The following TNC variants were observed in gnomAD, a reference collection of about 807,000 sequenced individuals.
The protein encoded by TNC is tenascin.
TNC carries 109 observed loss-of-function variants against 202.4 expected under a neutral mutation model. That is an observed-to-expected ratio of 0.54 (90% CI 0.46 to 0.63). TNC has a LOEUF of 0.63. Among genes scored for constraint, TNC ranks in the 30% least tolerant of loss-of-function variants. TNC has a pLI of 0.00. For missense variants in TNC, 2,756 were observed against 2,833.3 expected (o/e 0.97, Z 0.62); for synonymous variants, 1,007 against 1,089.7 (o/e 0.92, Z 1.50).
In TNC at chr9:115,086,603, C is replaced by G; in HGVS notation, c.1128G>C (p.Arg376Ser). ...CACGATTGTGACAGTCAGCAGGACA[C>G]CTCTTCTCGCTGCAGTCCACACCGG... ...GFAGVDCSEK[R>S]CPADCHNRGR... Residue 376 changes from arginine to serine, a missense_variant, in exon 3 of 28, where the codon AGG becomes AGC. Around this residue, in one of 2 missense-constraint regions of TNC, gnomAD observed 2,559 missense variants for 2,546.0 expected, o/e 1.01. Transcript: ENST00000350763. 2 of 1,614,158 alleles carry G rather than the reference C, an allele frequency of 1.2e-6. 1 individual carries two copies. The highest frequency in any genetic ancestry group is 2.2e-5 in the South Asian group (2 of 91,086).
chr9:115,036,107 A>G lies in TNC; in HGVS notation c.5647T>C (p.Phe1883Leu), dbSNP rs1830305157. The G allele has an allele frequency of 6.2e-7, 1 of 1,614,090 alleles. No homozygotes were observed. The highest frequency in any genetic ancestry group is 8.5e-7 in the Non-Finnish European group (1 of 1,179,986). ...CTCAGTGTCTTTGTACCTGTTGTGA[A>G]CTTGGCAGTGATGGTTGAGCTCTTC... is the stretch of plus-strand genomic sequence containing the variant. ...PQKSSTITAK[F>L]TTDLDSPRDL... is the part of the protein sequence containing the mutation. Residue 1883 changes from phenylalanine (F) to leucine (L), a missense_variant, in exon 21 of 28, where the codon TTC becomes CTC. Phe to Leu is a conservative substitution (Grantham distance 22, BLOSUM62 0). This residue lies in a region of TNC where 2,559 missense variants were observed against 2,546.0 expected (regional missense o/e 1.01). Coordinates refer to ENST00000350763, the MANE Select transcript of TNC (RefSeq NM_002160.4).
intron 9 of TNC, among the ~76,000 whole-genome samples, chr9:115,075,160 G>A (rs573305087): frequency 6.6e-6 from 1 of 152,050 alleles, no homozygotes; most frequent in African/African-American, 2.4e-5. Context: ...GGGAGAGGCA[G>A]AGGAGGAGTT....
In TNC at chr9:115,105,904, G is replaced by C. The variant is rs751633881; in HGVS notation, c.-137+12078C>G. ...CATGCTCGTTGGAAATCTCGAAGAAGGGGACAGTTTATAGAGTGTTTCCCA... is the reference window on the plus strand; with the variant it reads ...CATGCTCGTTGGAAATCTCGAAGAACGGGACAGTTTATAGAGTGTTTCCCA... On this transcript the variant is annotated intron_variant, in intron 1 of 27. Coordinates refer to ENST00000350763, the MANE Select transcript of TNC (RefSeq NM_002160.4). Among the ~76,000 whole-genome samples, 4 of 152,146 alleles carry C rather than the reference G, an allele frequency of 2.6e-5. No homozygotes were observed. The South Asian group carries it at 6.2e-4, about 24-fold the overall frequency.
In TNC at chr9:115,029,380, C is replaced by T. The variant is rs370664222; in HGVS notation, c.6149G>A (p.Arg2050His). Residue 2050 changes from arginine (R) to histidine (H), a missense_variant, in exon 25 of 28, where the codon CGC becomes CAC. Arg to His is a conservative substitution (Grantham distance 29). Transcript: ENST00000350763. The part of the protein sequence containing the change: ...WKAYAAGFGD[R>H]REEFWLGLDN... ...ATTACCAAGCCAGAATTCTTCTCTGCGGTCCCCAAATCCAGCAGCATATGC... is the reference window on the plus strand; with the variant it reads ...ATTACCAAGCCAGAATTCTTCTCTGTGGTCCCCAAATCCAGCAGCATATGC... The T allele has an allele frequency of 2.8e-5, 45 of 1,614,056 alleles. No individual in the cohort carries two copies. Among genetic ancestry groups the T allele is most frequent in the Middle Eastern group, 3.3e-4 (2 of 6,060 alleles).
chr9:115,106,907 T>C (rs764319921), intron 1 of TNC, among the ~76,000 whole-genome samples: 22 of 152,156 alleles, frequency 1.4e-4, no homozygotes, highest in Non-Finnish European at 2.5e-4. Context: ...ATCATTTAAT[T>C]CAGCATATGG....
At chr9:115,096,096 G>A (rs1835768668) in intron 1 of TNC, among the ~76,000 whole-genome samples, 1 of 152,086 alleles carries the variant, frequency 6.6e-6, no homozygotes, top group Non-Finnish European at 1.5e-5. Flanking sequence ...TTAATTTTTA[G>A]AGTCAAACAA....
At chr9:115,110,829 A>T (rs1237304064) in intron 1 of TNC, among the ~76,000 whole-genome samples, 1 of 152,194 alleles carries the variant, frequency 6.6e-6, no homozygotes, top group East Asian at 1.9e-4. Flanking sequence ...TCCACTATAT[A>T]CATGGGAGGA....
In TNC at chr9:115,086,328, A is replaced by G. The variant is rs1588162925; in HGVS notation, c.1403T>C (p.Met468Thr). The change falls in exon 3 of 28, where the codon ATG (methionine) becomes ACG (threonine). Residue 468 changes from methionine (M) to threonine (T), a missense_variant. By Grantham distance (81) the Met-to-Thr change is moderately conservative (BLOSUM62 -1). Transcript: ENST00000350763. The stretch of plus-strand genomic sequence containing the variant: ...CTGGTGACAGTCATTAGGGCAGCTC[A>G]TGTCACTGCAGTCATAGCCCTTGAA... ...QGFKGYDCSDMSCPNDCHQHG... is the reference protein window; with the variant it reads ...QGFKGYDCSDTSCPNDCHQHG... The G allele has an allele frequency of 6.2e-7, 1 of 1,614,100 alleles. No individual in the cohort carries two copies. Among genetic ancestry groups the G allele is most frequent in the East Asian group, 2.2e-5 (1 of 44,866 alleles).
At chr9:115,102,605 T>A (rs1003045684) in intron 1 of TNC, among the ~76,000 whole-genome samples, 6 of 152,230 alleles carry the variant, frequency 3.9e-5, no homozygotes, top group African/African-American at 1.4e-4. Context: ...GGAATTGATA[T>A]GATATTATTT....
intron 17 of TNC, among the ~76,000 whole-genome samples, chr9:115,045,566 C>T (rs1831119946): frequency 1.1e-5 from 1 of 90,604 alleles, no homozygotes; most frequent in South Asian, 3.6e-4. Context: ...TTTTTTTGCA[C>T]AGGTAGGGTC....
intron 12 of TNC, 44 bp downstream of exon 12, chr9:115,063,752 G>C: frequency 6.3e-7 from 1 of 1,579,256 alleles, no homozygotes; most frequent in African/African-American, 1.3e-5. Flanking sequence ...CTCCCGAGCA[G>C]AGACAAAGGG....
intron 15 of TNC, chr9:115,052,837 G>T (rs1350145601): frequency 1.4e-6 from 1 of 702,722 alleles, no homozygotes; most frequent in South Asian, 1.5e-5. Flanking sequence ...CCAAGCCTGT[G>T]ATGTGAGCTT....
chr9:115,094,471 T>C (rs1835463904), intron 1 of TNC, among the ~76,000 whole-genome samples: 1 of 152,176 alleles, frequency 6.6e-6, no homozygotes, highest in Non-Finnish European at 1.5e-5. Flanking sequence ...CTGTTTTAAG[T>C]CTCCTTTGTG....
chr9:115,103,576 C>T (rs773517144), intron 1 of TNC, among the ~76,000 whole-genome samples: 1 of 152,166 alleles, frequency 6.6e-6, no homozygotes, highest in Non-Finnish European at 1.5e-5. Context: ...TTGGGCAAGT[C>T]GCATCCACTC....
At chr9:115,082,075 C>G in intron 5 of TNC, 147 bp from the exon 6 acceptor site, 3 of 713,352 alleles carry the variant, frequency 4.2e-6, no homozygotes, top group Non-Finnish European at 6.6e-6. Flanking sequence ...AGTATGTAAG[C>G]TACTGAGGAT....
chr9:115,066,419 G>A (rs1045122358), intron 10 of TNC, among the ~76,000 whole-genome samples: 1 of 152,166 alleles, frequency 6.6e-6, no homozygotes, highest in African/African-American at 2.4e-5. Flanking sequence ...TTTCAAATGA[G>A]CCTTATGTGT....
intron 10 of TNC, among the ~76,000 whole-genome samples, chr9:115,072,942 C>T (rs1313684601): frequency 6.6e-6 from 1 of 151,998 alleles, no homozygotes; most frequent in East Asian, 1.9e-4. Context: ...TAACCATGGC[C>T]TCAGGTTCAG....
intron 15 of TNC, among the ~76,000 whole-genome samples, chr9:115,056,582 G>T (rs2132425061): frequency 6.6e-6 from 1 of 152,310 alleles, no homozygotes; most frequent in South Asian, 2.1e-4. Context: ...TGATCTTCTA[G>T]AGGTGGTGTT....
chr9:115,040,562 T>C (rs908451169), intron 19 of TNC, among the ~76,000 whole-genome samples: 1 of 152,198 alleles, frequency 6.6e-6, no homozygotes, highest in Admixed American at 6.5e-5. Flanking sequence ...GGAAGCAGAA[T>C]TGTGTCTGTT....
Sources: gnomAD v4.1 joint callset for allele counts (sites outside exome capture counted in the v4.1 genomes callset) on GRCh38, gnomAD v4.1.1 for gene constraint, gnomAD v4.1.1 regional missense constraint, MANE v1.5 for transcripts, NCBI Gene and HGNC (gene_info 2026-07-23, HGNC 2026-07-21) for gene names.